ANKS1B: variants seen among roughly 807,000 people sequenced by gnomAD.
ANKS1B encodes ankyrin repeat and sterile alpha motif domain-containing protein 1B.
ANKS1B carries 36 observed loss-of-function variants against 148.3 expected under a neutral mutation model. That is an observed-to-expected ratio of 0.24 (90% CI 0.19 to 0.32). The LOEUF is 0.32. Ranked by LOEUF, ANKS1B falls within the 10% of genes least tolerant of loss-of-function variation. ANKS1B has a pLI of 1.00. For synonymous variants in ANKS1B, 542 were observed against 560.8 expected (o/e 0.97, Z 0.47); for missense variants, 1,157 against 1,542.6 (o/e 0.75, Z 4.19).
At chr12:99,015,366 G>T (rs999954469) in intron 17 of ANKS1B, among the ~76,000 whole-genome samples, 8 of 152,142 alleles carry the variant, frequency 5.3e-5, no homozygotes, top group African/African-American at 1.7e-4. Context: ...CTTTCGGAGG[G>T]CAGAGGATGG....
chr12:99,653,363 G>A (rs1255064657), intron 9 of ANKS1B, among the ~76,000 whole-genome samples: 1 of 152,116 alleles, frequency 6.6e-6, no homozygotes, highest in African/African-American at 2.4e-5. Flanking sequence ...ATTAGGAAAT[G>A]TATTTTTACA....
chr12:99,144,889 G>A (rs1160180388), intron 15 of ANKS1B, among the ~76,000 whole-genome samples: 2 of 152,008 alleles, frequency 1.3e-5, no homozygotes, highest in Non-Finnish European at 2.9e-5. Context: ...CAACCCTGCT[G>A]GCACTTTGGT....
Position 99,825,315 on chromosome 12 carries a change from C to G in ANKS1B, c.209G>C (p.Gly70Ala). Residue 70 changes from glycine to alanine, a missense_variant, in exon 2 of 27, where the codon GGA becomes GCA. Around this residue, in one of 6 missense-constraint regions of ANKS1B, gnomAD observed 164 missense variants for 232.6 expected, o/e 0.71. Coordinates refer to ENST00000683438, the MANE Select transcript of ANKS1B (RefSeq NM_001352186.2). ...CCAAATAAGTGGCACTTACTTATGT[C>G]CATTTAAGGCTGCGTGGTGTAAAGC... ...YTALHHAALN[G>A]HKDIVLKLLQ... 1.2e-6 allele frequency: 2 copies of G among 1,612,084 alleles called. No homozygotes were observed. The highest frequency in any genetic ancestry group is 1.7e-6 in the Non-Finnish European group (2 of 1,179,034).
chr12:99,604,149 C>A (rs1604178), intron 9 of ANKS1B, among the ~76,000 whole-genome samples: 32,722 of 151,886 alleles, frequency 0.22, 4,025 homozygotes, highest in Non-Finnish European at 0.27. Flanking sequence ...TTCATTATAA[C>A]CAGCAAATGA....
intron 17 of ANKS1B, among the ~76,000 whole-genome samples, chr12:98,920,704 T>G (rs1213563405): frequency 1.3e-5 from 2 of 152,170 alleles, no homozygotes; most frequent in Non-Finnish European, 2.9e-5. Context: ...CCATATCAAT[T>G]ACTAAGTACA....
intron 4 of ANKS1B, among the ~76,000 whole-genome samples, chr12:99,801,137 G>A (rs1236555354): frequency 1.3e-5 from 2 of 152,036 alleles, no homozygotes; most frequent in Non-Finnish European, 2.9e-5. Flanking sequence ...ACCTGATTTA[G>A]CCAATGGATG....
intron 9 of ANKS1B, among the ~76,000 whole-genome samples, chr12:99,597,755 T>A (rs2097769871): frequency 6.6e-6 from 1 of 152,012 alleles, no homozygotes; most frequent in Non-Finnish European, 1.5e-5. Context: ...CAAATGGACT[T>A]TCAAAAACAT....
intron 15 of ANKS1B, among the ~76,000 whole-genome samples, chr12:99,114,577 C>T (rs1419219822): frequency 1.3e-5 from 2 of 152,048 alleles, no homozygotes; most frequent in African/African-American, 4.8e-5. Context: ...CATATTGAAG[C>T]CCCATCTCTA....
intron 15 of ANKS1B, among the ~76,000 whole-genome samples, chr12:99,110,214 T>A (rs186803825): frequency 4.1e-4 from 62 of 152,170 alleles, no homozygotes; most frequent in Admixed American, 1.1e-3. Context: ...AAGGTGTGAG[T>A]TCAATGAGTG....
At chr12:99,529,960 T>C (rs1347024585) in intron 9 of ANKS1B, among the ~76,000 whole-genome samples, 1 of 152,232 alleles carries the variant, frequency 6.6e-6, no homozygotes, top group East Asian at 1.9e-4. Flanking sequence ...ATGACTTTCT[T>C]ATTTACTCTC....
intron 12 of ANKS1B, chr12:99,386,270 G>A (rs371933637): frequency 6.6e-6 from 1 of 152,186 alleles, no homozygotes; most frequent in Non-Finnish European, 1.5e-5. Context: ...ACCTACACAT[G>A]TAAGTGAGAG....
intron 17 of ANKS1B, among the ~76,000 whole-genome samples, chr12:98,966,524 T>C (rs2099878063): frequency 6.6e-6 from 1 of 152,102 alleles, no homozygotes; most frequent in South Asian, 2.1e-4. Context: ...AGAAATACCA[T>C]TTGACCCAGC....
chr12:99,156,709 ATC>A (rs1219485309), intron 14 of ANKS1B, among the ~76,000 whole-genome samples: 2 of 152,108 alleles, frequency 1.3e-5, no homozygotes, highest in African/African-American at 4.8e-5. Context: ...CCACGAATAA[ATC>A]TCTTTCTTCT....
intron 9 of ANKS1B, among the ~76,000 whole-genome samples, chr12:99,534,704 T>A (rs912291913): frequency 1.1e-4 from 17 of 148,158 alleles, no homozygotes; most frequent in African/African-American, 3.7e-4. Context: ...TTTTCTTTTT[T>A]CTTTTCTTTT....
chr12:99,500,545 T>C (rs2096645342), intron 10 of ANKS1B, among the ~76,000 whole-genome samples: 1 of 152,204 alleles, frequency 6.6e-6, no homozygotes, highest in Non-Finnish European at 1.5e-5. Flanking sequence ...CCTGTCAAAC[T>C]TGCAGATTTG....
chr12:99,589,451 C>T (rs375252443), intron 9 of ANKS1B, among the ~76,000 whole-genome samples: 1 of 152,050 alleles, frequency 6.6e-6, no homozygotes, highest in Non-Finnish European at 1.5e-5. Context: ...TCTCCTTAAT[C>T]GTCTCTACTT....
intron 26 of ANKS1B, among the ~76,000 whole-genome samples, chr12:98,748,377 G>C (rs905054174): frequency 1.3e-5 from 2 of 152,082 alleles, no homozygotes; most frequent in African/African-American, 4.8e-5. Context: ...CAAATACAAC[G>C]GGACACTCCT....
At chr12:98,886,645 C>G (rs2099740685) in intron 17 of ANKS1B, among the ~76,000 whole-genome samples, 1 of 152,104 alleles carries the variant, frequency 6.6e-6, no homozygotes, top group Non-Finnish European at 1.5e-5. Flanking sequence ...CCATCCAACA[C>G]CTCCACATAT....
chr12:99,580,935 G>A (rs1295040789), intron 9 of ANKS1B, among the ~76,000 whole-genome samples: 1 of 152,026 alleles, frequency 6.6e-6, no homozygotes, highest in African/African-American at 2.4e-5. Context: ...TGATGTTCAT[G>A]GATAGAAAAT....
Sources: gnomAD v4.1 joint callset for allele counts (sites outside exome capture counted in the v4.1 genomes callset) on GRCh38, gnomAD v4.1.1 for gene constraint, gnomAD v4.1.1 regional missense constraint, MANE v1.5 for transcripts, NCBI Gene and HGNC (gene_info 2026-07-23, HGNC 2026-07-21) for gene names.